Variants in UGT1A8 observed in about 807,000 individuals in gnomAD.
UGT1A8 encodes the protein UDP glucuronosyltransferase family 1 member A8.
A neutral mutation model predicts 45.3 loss-of-function variants in UGT1A8; 39 were observed. That is an observed-to-expected ratio of 0.86 (90% CI 0.67 to 1.12). The LOEUF is 1.12. Ranked by LOEUF, UGT1A8 falls within the 50% of genes most tolerant of loss-of-function variation. UGT1A8 has a pLI of 0.00. For synonymous variants in UGT1A8, 275 were observed against 249.2 expected (o/e 1.10, Z -0.97); for missense variants, 719 against 664.9 (o/e 1.08, Z -0.90).
chr2:233,744,363 T>G (rs1041937060), intron 1 of UGT1A8, among the ~76,000 whole-genome samples: 1 of 151,886 alleles, frequency 6.6e-6, no homozygotes, highest in African/African-American at 2.4e-5. Context: ...TCCTGTTGTT[T>G]AGGACTGCAG....
At chr2:233,691,413 C>T (rs543988053) in intron 1 of UGT1A8, 2 of 985,542 alleles carry the variant, frequency 2.0e-6, no homozygotes, top group African/African-American at 1.7e-5. Context: ...CTTGGAGTGG[C>T]CCCTCTAATC....
chr2:233,628,833 A>G (rs1002726480), intron 1 of UGT1A8, among the ~76,000 whole-genome samples: 1 of 152,010 alleles, frequency 6.6e-6, no homozygotes, highest in African/African-American at 2.4e-5. Context: ...TCGATTTTGG[A>G]TTTTTGTCAA....
intron 1 of UGT1A8, among the ~76,000 whole-genome samples, chr2:233,759,307 A>C (rs936926400): frequency 6.6e-6 from 1 of 152,192 alleles, no homozygotes; most frequent in Non-Finnish European, 1.5e-5. Context: ...TGAGTGGCTG[A>C]GGTGGGTGAG....
chr2:233,638,214 A>T (rs1184533470), intron 1 of UGT1A8, among the ~76,000 whole-genome samples: 1 of 152,210 alleles, frequency 6.6e-6, no homozygotes, highest in African/African-American at 2.4e-5. Flanking sequence ...ATATACATAA[A>T]TAAAAATTTT....
At chr2:233,697,963 A>G (rs2075419928) in intron 1 of UGT1A8, among the ~76,000 whole-genome samples, 2 of 152,206 alleles carry the variant, frequency 1.3e-5, no homozygotes, top group Non-Finnish European at 2.9e-5. Context: ...ATTTATTCTT[A>G]TTACAAAGAA....
chr2:233,752,553 G>A (rs189829864), intron 1 of UGT1A8: 3 of 152,252 alleles, frequency 2.0e-5, no homozygotes, highest in East Asian at 1.9e-4. Flanking sequence ...CTCTTGCTGG[G>A]ACAACATAGT....
chr2:233,691,638 AG>A, intron 1 of UGT1A8: 1 of 985,558 alleles, frequency 1.0e-6, no homozygotes, highest in Non-Finnish European at 1.2e-6. Flanking sequence ...GTTAGCAGGC[AG>A]GGCCAGTGTG....
intron 1 of UGT1A8, chr2:233,719,729 A>C: frequency 6.2e-7 from 1 of 1,613,584 alleles, no homozygotes. Context: ...TCCAGGCAAA[A>C]CACTTTTTAA....
At chr2:233,629,465 A>G (rs1189690383) in intron 1 of UGT1A8, among the ~76,000 whole-genome samples, 1 of 152,100 alleles carries the variant, frequency 6.6e-6, no homozygotes, top group African/African-American at 2.4e-5. Context: ...GATAAACCCC[A>G]CTTGGTTATG....
chr2:233,688,191 G>T (rs924527532), intron 1 of UGT1A8, among the ~76,000 whole-genome samples: 5 of 152,098 alleles, frequency 3.3e-5, no homozygotes, highest in Non-Finnish European at 5.9e-5. Flanking sequence ...CTTTATGACC[G>T]GCTTCTTTCA....
chr2:233,639,688 C>T (rs6738678), intron 1 of UGT1A8, among the ~76,000 whole-genome samples: 41,684 of 150,248 alleles, frequency 0.28, 6,026 homozygotes, highest in East Asian at 0.52. Flanking sequence ...AACAAAATCT[C>T]CTTGAGTCTA....
chr2:233,636,110 A>G (rs903110666), intron 1 of UGT1A8, among the ~76,000 whole-genome samples: 22 of 151,020 alleles, frequency 1.5e-4, no homozygotes, highest in Admixed American at 6.0e-4. Flanking sequence ...TTCTTTCTGG[A>G]CAGAGAGTAT....
chr2:233,659,715 A>G lies in UGT1A8; in HGVS notation c.855+41153A>G, dbSNP rs779544700. ...TACTGTCTGACATTTTTGCTCTTTCAGTTCTTTAAAAATGCTTGATATAGT... is the reference window on the plus strand; with the variant it reads ...TACTGTCTGACATTTTTGCTCTTTCGGTTCTTTAAAAATGCTTGATATAGT... On this transcript the variant is annotated intron_variant, in intron 1 of 4. Transcript: ENST00000373450. Among the ~76,000 whole-genome samples, 793 of 152,282 alleles carry G rather than the reference A, an allele frequency of 5.2e-3. 4 individuals carry two copies. Among genetic ancestry groups the G allele is most frequent in the Non-Finnish European group, 8.6e-3 (586 of 68,022 alleles).
intron 1 of UGT1A8, among the ~76,000 whole-genome samples, chr2:233,661,636 T>TTTCTTTCTTTCTTTCTTTCC (rs1559329411): frequency 3.6e-5 from 3 of 83,346 alleles, no homozygotes; most frequent in Non-Finnish European, 6.6e-5. Context: ...TCTTTCTTTC[T>TTTCTTTCTTTCTTTCTTTCC]TTCTTTCTTT....
Position 233,715,881 on chromosome 2 carries a change from C to T in UGT1A8, c.856-51153C>T, listed in dbSNP as rs867563291. Among the ~76,000 whole-genome samples the T allele has an allele frequency of 2.6e-5, 4 of 152,154 alleles. No individual in the cohort carries two copies. In the South Asian group the frequency reaches 8.3e-4, roughly 32 times the overall value. On this transcript the variant is annotated intron_variant, in intron 1 of 4. Coordinates refer to ENST00000373450, the MANE Select transcript of UGT1A8 (RefSeq NM_019076.5). Reference sequence around the variant, plus strand: ...GGTGCAGTAGCTTGTGCCTGTGGCCCCAGCTACTTGGGAGGCTCAGGTGGG... The same window carrying T: ...GGTGCAGTAGCTTGTGCCTGTGGCCTCAGCTACTTGGGAGGCTCAGGTGGG...
intron 1 of UGT1A8, among the ~76,000 whole-genome samples, chr2:233,745,157 A>T (rs1409881340): frequency 6.6e-6 from 1 of 151,846 alleles, no homozygotes; most frequent in Non-Finnish European, 1.5e-5. Context: ...TGGAGGGTCA[A>T]ATGTGCATGT....
chr2:233,696,605 CCTTT>C (rs57635371), intron 1 of UGT1A8, among the ~76,000 whole-genome samples: 49,440 of 151,646 alleles, frequency 0.33, 8,219 homozygotes, highest in African/African-American at 0.38. Flanking sequence ...ACTTGGATGC[CCTTT>C]CTTTCTTTCT....
chr2:233,621,808 G>GT (rs1476415259), intron 1 of UGT1A8, among the ~76,000 whole-genome samples: 1 of 152,052 alleles, frequency 6.6e-6, no homozygotes, highest in Non-Finnish European at 1.5e-5. Context: ...GTACACATGT[G>GT]TCATGTTGGT....
At chr2:233,737,896 G>C (rs1414538821) in intron 1 of UGT1A8, among the ~76,000 whole-genome samples, 1 of 152,068 alleles carries the variant, frequency 6.6e-6, no homozygotes, top group Non-Finnish European at 1.5e-5. Context: ...TAATTTTCGA[G>C]TGTGGTAAAG....
Sources: allele counts gnomAD v4.1 joint callset (sites outside exome capture counted in the v4.1 genomes callset), GRCh38; gene constraint gnomAD v4.1.1; transcripts MANE v1.5; gene names NCBI Gene and HGNC (gene_info 2026-07-23, HGNC 2026-07-21).